The following RFPL1 variants were observed in gnomAD, a reference collection of about 807,000 sequenced individuals.
The protein encoded by RFPL1 is ret finger protein like 1.
A neutral mutation model predicts 9.6 loss-of-function variants in RFPL1; 6 were observed. The ratio of observed to expected loss-of-function variants is 0.62; its 90% CI spans 0.34 to 1.23. The LOEUF (loss-of-function observed/expected upper bound fraction) is 1.23, where lower values mean the gene tolerates loss of function less well. RFPL1 is among the 50% of genes most tolerant of loss of function. The pLI is 0.03. For missense variants in RFPL1, 352 were observed against 398.4 expected (o/e 0.88, Z 0.99); for synonymous variants, 145 against 149.4 (o/e 0.97, Z 0.22).
chr22:29,391,132 ACT>A, the RFPL1 span, among the ~76,000 whole-genome samples: 3 of 151,824 alleles, frequency 2.0e-5, no homozygotes, highest in Admixed American at 6.6e-5. Flanking sequence ...ACGGAGTGAG[ACT>A]CTGTCTCAAA....
exon 1 of RFPL1, chr22:29,438,739 T>C: frequency 6.3e-7 from 1 of 1,586,544 alleles, no homozygotes; most frequent in South Asian, 1.2e-5. Context: ...TGAGTGTTTG[T>C]ACTCATGGTC....
chr22:29,422,023 G>A, the RFPL1 span, among the ~76,000 whole-genome samples: 2 of 152,200 alleles, frequency 1.3e-5, no homozygotes. Context: ...GCAGGCATGT[G>A]TCAGTATCAC....
At chr22:29,412,086 G>A in the RFPL1 span, among the ~76,000 whole-genome samples, 6 of 152,114 alleles carry the variant, frequency 3.9e-5, no homozygotes, top group East Asian at 1.2e-3. Context: ...CTCTTTGTGT[G>A]ATGATGGCAA....
At chr22:29,427,814 C>T in the RFPL1 span, among the ~76,000 whole-genome samples, 1 of 152,142 alleles carries the variant, frequency 6.6e-6, no homozygotes, top group Non-Finnish European at 1.5e-5. Flanking sequence ...TCCAGGAGGC[C>T]TCTAAGAGTT....
At chr22:29,437,335 C>G (rs1191786737), upstream of RFPL1, 2 of 328,384 alleles carry the variant, frequency 6.1e-6, no homozygotes, top group East Asian at 1.8e-4. Context: ...CTTAATACTT[C>G]AGGTTTCCAA....
At chr22:29,439,154 G>A (rs746023632) in exon 1 of RFPL1, 3 of 1,613,944 alleles carry the variant, frequency 1.9e-6, no homozygotes, top group Non-Finnish European at 8.5e-7. Flanking sequence ...CAAGGATGCG[G>A]AAGTTCCAAG....
the RFPL1 span, among the ~76,000 whole-genome samples, chr22:29,405,966 G>T: frequency 6.7e-6 from 1 of 150,092 alleles, no homozygotes; most frequent in Non-Finnish European, 1.5e-5. Flanking sequence ...AAAATTAGCC[G>T]GGCGCGGTGG....
At chr22:29,410,367 T>TAGATCTATATATAGATATATATATTGTAG in the RFPL1 span, among the ~76,000 whole-genome samples, 1 of 73,800 alleles carries the variant, frequency 1.4e-5, no homozygotes, top group Non-Finnish European at 2.6e-5. Flanking sequence ...TGTAGATATA[T>TAGATCTATATATAGATATATATATTGTAG]ATATCTATAT....
At chr22:29,414,290 C>T in the RFPL1 span, among the ~76,000 whole-genome samples, 1,085 of 152,062 alleles carry the variant, frequency 7.1e-3, 14 homozygotes, top group African/African-American at 0.025. Flanking sequence ...TGTCTGTGGA[C>T]TAGATTTTCT....
At chr22:29,394,662 A>C in the RFPL1 span, among the ~76,000 whole-genome samples, 1 of 152,208 alleles carries the variant, frequency 6.6e-6, no homozygotes, top group African/African-American at 2.4e-5. Context: ...TTTGGGCCTC[A>C]GTTTCTCTTC....
chr22:29,432,525 G>C, the RFPL1 span, among the ~76,000 whole-genome samples: 1 of 152,158 alleles, frequency 6.6e-6, no homozygotes, highest in Non-Finnish European at 1.5e-5. Flanking sequence ...AGAGAATTCC[G>C]AGCGTTAGCG....
exon 1 of RFPL1, chr22:29,439,108 T>C (rs150871279): frequency 5.7e-5 from 92 of 1,613,994 alleles, no homozygotes; most frequent in Non-Finnish European, 7.5e-5. Flanking sequence ...ATCAAGGAAC[T>C]GGAGCCCAAG....
the RFPL1 span, among the ~76,000 whole-genome samples, chr22:29,409,830 C>G: frequency 6.6e-6 from 1 of 152,274 alleles, no homozygotes; most frequent in Middle Eastern, 3.4e-3. Context: ...ATCATGGACT[C>G]TAGCGACTGT....
chr22:29,419,841 A>C, the RFPL1 span, among the ~76,000 whole-genome samples: 1 of 151,844 alleles, frequency 6.6e-6, no homozygotes, highest in Non-Finnish European at 1.5e-5. Context: ...AGAAACTTAG[A>C]GGCCACTCTG....
At chr22:29,409,189 A>T in the RFPL1 span, among the ~76,000 whole-genome samples, 1 of 152,062 alleles carries the variant, frequency 6.6e-6, no homozygotes, top group Non-Finnish European at 1.5e-5. Flanking sequence ...TTACAATCTC[A>T]TCTTAGAACC....
chr22:29,410,627 A>C, the RFPL1 span, among the ~76,000 whole-genome samples: 1 of 139,358 alleles, frequency 7.2e-6, no homozygotes, highest in Non-Finnish European at 1.5e-5. Flanking sequence ...CTATATATAG[A>C]TAGATATATT....
At chr22:29,427,297 G>A in the RFPL1 span, among the ~76,000 whole-genome samples, 3 of 152,086 alleles carry the variant, frequency 2.0e-5, no homozygotes, top group African/African-American at 7.3e-5. Flanking sequence ...ACCTCAGGCT[G>A]TAGGGGCACA....
chr22:29,435,732 C>G (rs560587761), upstream of RFPL1, among the ~76,000 whole-genome samples: 1 of 151,904 alleles, frequency 6.6e-6, no homozygotes, highest in Admixed American at 6.6e-5. Context: ...AGAAAAAAAT[C>G]TTTATTTAAT....
the RFPL1 span, among the ~76,000 whole-genome samples, chr22:29,416,706 G>A: frequency 2.0e-5 from 3 of 152,160 alleles, no homozygotes; most frequent in Non-Finnish European, 4.4e-5. Flanking sequence ...CATGCATGGA[G>A]CACACACCAT....
Sources: allele counts gnomAD v4.1 joint callset (sites outside exome capture counted in the v4.1 genomes callset), GRCh38; gene constraint gnomAD v4.1.1; transcripts MANE v1.5; gene names NCBI Gene and HGNC (gene_info 2026-07-23, HGNC 2026-07-21).